IL7R: variants seen among roughly 807,000 people sequenced by gnomAD.
The protein encoded by IL7R is interleukin-7 receptor subunit alpha.
A neutral mutation model predicts 47.0 loss-of-function variants in IL7R; 38 were observed. The ratio of observed to expected loss-of-function variants is 0.81; its 90% CI spans 0.62 to 1.06. The LOEUF is 1.06. Ranked by LOEUF, IL7R falls within the 50% of genes least tolerant of loss-of-function variation. The pLI is 0.00. For synonymous variants in IL7R, 221 were observed against 199.8 expected, an observed-to-expected ratio of 1.11 and a Z score of -0.89; for missense variants, 633 against 534.8, an observed-to-expected ratio of 1.18 and a Z score of -1.81.
rs1375664871 is a variant in IL7R, at chr5:35,879,229, CT to C, written c.*2744del. 2 of 232,924 alleles carry C rather than the reference CT, an allele frequency of 8.6e-6. No individual in the cohort carries two copies. Among genetic ancestry groups the C allele is most frequent in the African/African-American group, 4.4e-5 (2 of 45,342 alleles). 14.4% of individuals were successfully genotyped at this position (232,924 alleles called of 1,614,324 possible). A position where few individuals can be genotyped will look rare whatever the true frequency, so the allele number is the denominator to read the frequency against. ...CACCCAGGCTGATTCAGCTGATTTC[CT>C]ACCAGCCTTTGCCTCTTCCTTCAAT... On this transcript the variant is annotated 3_prime_UTR_variant, in exon 8 of 8. Transcript: ENST00000303115.
rs1194291836 is a variant in IL7R at position 35,871,143 on chromosome 5, A to G, written c.467A>G (p.Gln156Arg). The G allele has an allele frequency of 1.2e-6, 2 of 1,612,788 alleles. No homozygotes were observed. Among genetic ancestry groups the G allele is most frequent in the Admixed American group, 3.3e-5 (2 of 59,998 alleles). Residue 156 changes from glutamine to arginine, a missense_variant, in exon 4 of 8, where the codon CAA becomes CGA. Coordinates refer to ENST00000303115, the MANE Select transcript of IL7R (RefSeq NM_002185.5). Reference sequence around the variant, plus strand: ...GTGACATTTAATACATCACACTTGCAAAAGAAGTATGTAAAAGTTTTAATG... The same window carrying G: ...GTGACATTTAATACATCACACTTGCGAAAGAAGTATGTAAAAGTTTTAATG... ...FVVTFNTSHL[Q>R]KKYVKVLMHD...
rs145407742 is a variant in IL7R, at chr5:35,867,457, A to G, written c.373A>G (p.Thr125Ala). The G allele has an allele frequency of 4.0e-5, 64 of 1,611,858 alleles. No individual in the cohort carries two copies. The highest frequency in any genetic ancestry group is 2.8e-4 in the African/African-American group (21 of 74,974). Reference sequence around the variant, plus strand: ...AACCTGCAAAAAAATAGACCTAACCACTATAGGTAAGAAGTTGTATATAAA... The same window carrying G: ...AACCTGCAAAAAAATAGACCTAACCGCTATAGGTAAGAAGTTGTATATAAA... Reference protein sequence around the residue: ...SLTCKKIDLTTIVKPEAPFDL... With the variant: ...SLTCKKIDLTAIVKPEAPFDL... Residue 125 changes from threonine (T) to alanine (A), a missense_variant, in exon 3 of 8, where the codon ACT becomes GCT. Transcript: ENST00000303115.
At chr5:35,862,309 C>T (rs1384997384) in intron 2 of IL7R, among the ~76,000 whole-genome samples, 1 of 152,148 alleles carries the variant, frequency 6.6e-6, no homozygotes. Flanking sequence ...GCTTCTTTAA[C>T]CAGCTGGCTG....
In IL7R at chr5:35,878,031, G is replaced by C. The variant is rs1494575; in HGVS notation, c.*1545G>C. 148 of 233,238 alleles carry C rather than the reference G, an allele frequency of 6.3e-4. No homozygotes were observed. Among genetic ancestry groups the C allele is most frequent in the Non-Finnish European group, 1.0e-3 (123 of 118,058 alleles). The allele number at this position is 233,238 out of a possible 1,614,324, so 14.4% of individuals were successfully genotyped here. On this transcript the variant is annotated 3_prime_UTR_variant, in exon 8 of 8. Transcript: ENST00000303115. ...TTGTTCTGTTTTTACTTTATTTAGGGGGACTAGGTGTTTCTGATATTTTAG... is the reference window on the plus strand; with the variant it reads ...TTGTTCTGTTTTTACTTTATTTAGGCGGACTAGGTGTTTCTGATATTTTAG...
intron 1 of IL7R, among the ~76,000 whole-genome samples, chr5:35,860,174 C>T (rs1475902450): frequency 6.6e-6 from 1 of 152,064 alleles, no homozygotes; most frequent in African/African-American, 2.4e-5. Flanking sequence ...GTATGTACAA[C>T]ATTCACAGGA....
In IL7R at chr5:35,877,777, TG is replaced by T. The variant is rs1760254033; in HGVS notation, c.*1292del. On this transcript the variant is annotated 3_prime_UTR_variant, in exon 8 of 8. Coordinates refer to ENST00000303115, the MANE Select transcript of IL7R (RefSeq NM_002185.5). The stretch of plus-strand genomic sequence containing the variant: ...TATTAATGCTTGACATATATCATCT[TG>T]CCTTTCTTGGTCTAGACTGACTTCT... 1 of 233,182 alleles carries T rather than the reference TG, an allele frequency of 4.3e-6. No homozygotes were observed. The highest frequency in any genetic ancestry group is 5.6e-5 in the Admixed American group (1 of 17,778). The allele number at this position is 233,182 out of a possible 1,614,324, so 14.4% of individuals were successfully genotyped here.
At chr5:35,866,167 T>C (rs1382379028) in intron 2 of IL7R, among the ~76,000 whole-genome samples, 4 of 152,158 alleles carry the variant, frequency 2.6e-5, no homozygotes, top group Non-Finnish European at 5.9e-5. Flanking sequence ...ATGCATTGAT[T>C]GATTATAACC....
At position 35,876,922 on chromosome 5, in the gene IL7R, G is replaced by A. The variant is rs959749046; in HGVS notation, c.*436G>A. The stretch of plus-strand genomic sequence containing the variant: ...TGCGCACCTTGTCTCACTCCATCCT[G>A]ACAATAATCCTGGGAGGTGTGTGCA... On this transcript the variant is annotated 3_prime_UTR_variant, in exon 8 of 8. Coordinates refer to ENST00000303115, the MANE Select transcript of IL7R (RefSeq NM_002185.5). The A allele has an allele frequency of 2.3e-5, 6 of 262,594 alleles. No homozygotes were observed. Among genetic ancestry groups the A allele is most frequent in the African/African-American group, 1.1e-4 (5 of 45,908 alleles). The allele number at this position is 262,594 out of a possible 1,614,324, so 16.3% of individuals were successfully genotyped here. A position where few individuals can be genotyped will look rare whatever the true frequency, so the allele number is the denominator to read the frequency against.
chr5:35,872,983 G>A (rs572154665), intron 4 of IL7R, among the ~76,000 whole-genome samples: 186 of 151,786 alleles, frequency 1.2e-3, no homozygotes, highest in Middle Eastern at 3.4e-3. Context: ...GATATAAATA[G>A]CAATGGACTT....
chr5:35,873,169 A>C, intron 4 of IL7R: 1 of 380,040 alleles, frequency 2.6e-6, no homozygotes, highest in Non-Finnish European at 5.0e-6. Context: ...TTAATATGTG[A>C]AAGGATAGAG....
chr5:35,860,608 AT>A (rs558713317), intron 1 of IL7R, among the ~76,000 whole-genome samples: 8 of 149,470 alleles, frequency 5.4e-5, no homozygotes, highest in East Asian at 2.0e-4. Flanking sequence ...ATTATGATGG[AT>A]TTTTTTTTTC....
intron 6 of IL7R, 110 bp from the exon 7 acceptor site, chr5:35,875,402 C>A: frequency 1.2e-6 from 1 of 820,156 alleles, no homozygotes; most frequent in Non-Finnish European, 2.1e-6. Context: ...TGTGTTAGAG[C>A]CAAGACTAGA....
At position 35,876,639 on chromosome 5, in the gene IL7R, A is replaced by G. The variant is rs199768633; in HGVS notation, c.*153A>G. ...AAGATTCTGAAACATTGCTTTGACC[A>G]CTCTTCCTGAGTTCAGTGGCACTCA... is the stretch of plus-strand genomic sequence containing the variant. On this transcript the variant is annotated 3_prime_UTR_variant, in exon 8 of 8. Transcript: ENST00000303115. 2.5e-6 allele frequency: 2 copies of G among 797,836 alleles called. No individual in the cohort carries two copies. Among genetic ancestry groups the G allele is most frequent in the Non-Finnish European group, 4.1e-6 (2 of 482,766 alleles). The allele number at this position is 797,836 out of a possible 1,614,324, so 49.4% of individuals were successfully genotyped here.
chr5:35,868,786 C>A (rs764889093), intron 3 of IL7R, among the ~76,000 whole-genome samples: 4 of 152,188 alleles, frequency 2.6e-5, no homozygotes, highest in Non-Finnish European at 5.9e-5. Flanking sequence ...AAACTCCACA[C>A]CAGCATGCAA....
chr5:35,858,100 T>C (rs551127341), intron 1 of IL7R, among the ~76,000 whole-genome samples: 5 of 152,178 alleles, frequency 3.3e-5, no homozygotes, highest in African/African-American at 1.2e-4. Flanking sequence ...CAAAGACTGA[T>C]GGGAGGCAGG....
chr5:35,867,173 G>A (rs1759959160), intron 2 of IL7R, 133 bp from the exon 3 acceptor site: 6 of 724,336 alleles, frequency 8.3e-6, no homozygotes, highest in Non-Finnish European at 1.5e-5. Flanking sequence ...TCCTGAACAT[G>A]CCTCCACTCA....
At position 35,878,518 on chromosome 5, in the gene IL7R, A is replaced by C. The variant is rs1760270693; in HGVS notation, c.*2032A>C. On this transcript the variant is annotated 3_prime_UTR_variant, in exon 8 of 8. Transcript: ENST00000303115. ...AGGGCAAATGCCACAAAAATGATGT[A>C]AATTTACATGGAGGAAAAGTAGAAT... is the stretch of plus-strand genomic sequence containing the variant. The C allele has an allele frequency of 1.7e-5, 4 of 232,832 alleles. No homozygotes were observed. The highest frequency in any genetic ancestry group is 8.8e-5 in the African/African-American group (4 of 45,344). 14.4% of individuals were successfully genotyped at this position (232,832 alleles called of 1,614,324 possible).
At chr5:35,873,125 T>C (rs1312899706) in intron 4 of IL7R, 1 of 279,386 alleles carries the variant, frequency 3.6e-6, no homozygotes, top group African/African-American at 2.2e-5. Context: ...AAATGATTCC[T>C]GCTCACTAAC....
chr5:35,871,786 C>T (rs1010900215), intron 4 of IL7R, among the ~76,000 whole-genome samples: 1 of 152,010 alleles, frequency 6.6e-6, no homozygotes, highest in African/African-American at 2.4e-5. Context: ...TTTGGCAGTC[C>T]CTGAAATTTA....
Sources: gnomAD v4.1 joint callset for allele counts (sites outside exome capture counted in the v4.1 genomes callset) on GRCh38, gnomAD v4.1.1 for gene constraint, MANE v1.5 for transcripts, NCBI Gene and HGNC (gene_info 2026-07-23, HGNC 2026-07-21) for gene names.